Variants in DGKG observed in about 807,000 individuals in gnomAD.
The protein encoded by DGKG is diacylglycerol kinase gamma.
Under a neutral mutation model 105.3 loss-of-function variants are expected in DGKG, and 78 were observed. That is an observed-to-expected ratio of 0.74 (90% CI 0.62 to 0.89). The LOEUF (loss-of-function observed/expected upper bound fraction) is 0.89, where lower values mean the gene tolerates loss of function less well. DGKG is among the 40% of genes least tolerant of loss of function. The probability of loss-of-function intolerance (pLI) is 0.00; values close to 1 mark genes in which losing one functional copy is unlikely to be tolerated. For missense variants in DGKG, 958 were observed against 1,020.1 expected (o/e 0.94, Z 0.83); for synonymous variants, 346 against 367.1 (o/e 0.94, Z 0.66).
chr3:186,192,128 C>A (rs1182631460), intron 21 of DGKG, among the ~76,000 whole-genome samples: 2 of 152,166 alleles, frequency 1.3e-5, no homozygotes, highest in African/African-American at 4.8e-5. Context: ...CTGCCTTGGA[C>A]TCCTGAAGTA....
At chr3:186,286,737 T>C (rs4686419) in intron 6 of DGKG, among the ~76,000 whole-genome samples, 63,133 of 151,976 alleles carry the variant, frequency 0.42, 16,174 homozygotes, top group African/African-American at 0.73. Context: ...CAAGTTTCTG[T>C]AACAAAAAAT....
At chr3:186,319,266 G>A (rs375581891) in intron 2 of DGKG, among the ~76,000 whole-genome samples, 264 of 152,294 alleles carry the variant, frequency 1.7e-3, no homozygotes, top group Non-Finnish European at 3.1e-3. Flanking sequence ...AGGATGCTGG[G>A]CTGGAAGGGA....
chr3:186,327,662 C>T (rs1031839252), intron 1 of DGKG, among the ~76,000 whole-genome samples: 2 of 151,964 alleles, frequency 1.3e-5, no homozygotes, highest in African/African-American at 4.8e-5. Flanking sequence ...ATCCACCTGC[C>T]TCGGTCTCCC....
intron 22 of DGKG, among the ~76,000 whole-genome samples, chr3:186,181,481 C>T (rs185131713): frequency 1.3e-5 from 2 of 152,256 alleles, no homozygotes; most frequent in East Asian, 1.9e-4. Context: ...ACCTGTAATC[C>T]CAGCACTTTT....
At position 186,360,720 on chromosome 3, in the gene DGKG, A is replaced by G. The variant is rs548483169; in HGVS notation, c.-249+1226T>C. On this transcript the variant is annotated intron_variant, in intron 1 of 24. Coordinates refer to ENST00000265022, the MANE Select transcript of DGKG (RefSeq NM_001346.3). ...TGGCTCTGCCAGCTGTATTTTACAGACAGAGAATCCCAAGCACCAAAATAA... is the reference window on the plus strand; with the variant it reads ...TGGCTCTGCCAGCTGTATTTTACAGGCAGAGAATCCCAAGCACCAAAATAA... Among the ~76,000 whole-genome samples the G allele has an allele frequency of 9.9e-5, 15 of 152,268 alleles. No homozygotes were observed. The East Asian group carries it at 1.5e-3, about 16-fold the overall frequency.
At chr3:186,319,021 T>C (rs779602938) in intron 2 of DGKG, among the ~76,000 whole-genome samples, 13 of 152,246 alleles carry the variant, frequency 8.5e-5, no homozygotes, top group Non-Finnish European at 1.3e-4. Flanking sequence ...GGTAGGCCTC[T>C]CCTTTGTGCT....
At chr3:186,222,839 G>C (rs778678361) in intron 20 of DGKG, among the ~76,000 whole-genome samples, 2 of 151,138 alleles carry the variant, frequency 1.3e-5, no homozygotes, top group Non-Finnish European at 2.9e-5. Flanking sequence ...TTAGCCAGGC[G>C]TGGTGGCGGG....
intron 23 of DGKG, among the ~76,000 whole-genome samples, chr3:186,164,331 T>C (rs1186430325): frequency 1.3e-5 from 2 of 152,220 alleles, no homozygotes; most frequent in African/African-American, 2.4e-5. Flanking sequence ...CAGAGGATCC[T>C]CTCGATTAGA....
intron 20 of DGKG, among the ~76,000 whole-genome samples, chr3:186,238,573 T>C (rs1308642360): frequency 6.6e-6 from 1 of 152,202 alleles, no homozygotes; most frequent in Non-Finnish European, 1.5e-5. Context: ...TCAAACACTT[T>C]AGAATCTCAG....
chr3:186,178,489 G>T (rs1717200439), intron 22 of DGKG, among the ~76,000 whole-genome samples: 1 of 152,188 alleles, frequency 6.6e-6, no homozygotes, highest in African/African-American at 2.4e-5. Flanking sequence ...AAAGTGAAAG[G>T]TTCCTTGGCT....
intron 24 of DGKG, among the ~76,000 whole-genome samples, chr3:186,157,834 C>G (rs1021198385): frequency 1.6e-4 from 25 of 152,096 alleles, no homozygotes; most frequent in African/African-American, 6.0e-4. Context: ...TCCCGAGGAG[C>G]TGGAATTACA....
chr3:186,192,513 T>C (rs1193935982), intron 21 of DGKG, among the ~76,000 whole-genome samples: 3 of 152,154 alleles, frequency 2.0e-5, no homozygotes, highest in Non-Finnish European at 4.4e-5. Flanking sequence ...ATAGTATCTC[T>C]TGCGATCTTC....
At chr3:186,324,775 G>A (rs982793717) in intron 1 of DGKG, among the ~76,000 whole-genome samples, 6 of 152,214 alleles carry the variant, frequency 3.9e-5, no homozygotes, top group African/African-American at 1.4e-4. Context: ...TGGAAAGCAG[G>A]TTGGAGATTT....
chr3:186,147,243 G>A lies in DGKG; in HGVS notation c.*2847C>T. The A allele has an allele frequency of 1.0e-6, 1 of 985,940 alleles. No homozygotes were observed. The highest frequency in any genetic ancestry group is 1.2e-6 in the Non-Finnish European group (1 of 830,018). 61.1% of individuals were successfully genotyped at this position (985,940 alleles called of 1,614,324 possible). The stretch of plus-strand genomic sequence containing the variant: ...TTATTGCTGTTGGGGTAGAAGCATG[G>A]GGGGCAGGTGAGAACATGTTTGTAG... On this transcript the variant is annotated 3_prime_UTR_variant, in exon 25 of 25. Coordinates refer to ENST00000265022, the MANE Select transcript of DGKG (RefSeq NM_001346.3).
intron 19 of DGKG, among the ~76,000 whole-genome samples, chr3:186,244,167 A>T (rs1047052395): frequency 6.6e-6 from 1 of 151,694 alleles, no homozygotes; most frequent in African/African-American, 2.4e-5. Context: ...TGGGACTGTA[A>T]ATGTGAGCCA....
At chr3:186,292,273 C>A (rs1475187036) in intron 5 of DGKG, among the ~76,000 whole-genome samples, 1 of 152,114 alleles carries the variant, frequency 6.6e-6, no homozygotes, top group Non-Finnish European at 1.5e-5. Context: ...AGCACCAGAC[C>A]AGGCAGCAGA....
intron 22 of DGKG, among the ~76,000 whole-genome samples, chr3:186,172,415 T>C (rs1315643216): frequency 6.6e-6 from 1 of 152,160 alleles, no homozygotes; most frequent in African/African-American, 2.4e-5. Context: ...CCTGACTATG[T>C]ATGGAGCCAA....
intron 7 of DGKG, among the ~76,000 whole-genome samples, chr3:186,282,193 C>T (rs1722860698): frequency 6.6e-6 from 1 of 152,068 alleles, no homozygotes; most frequent in South Asian, 2.1e-4. Flanking sequence ...CTTATTTTGG[C>T]CTCCCTGTTG....
At position 186,155,443 on chromosome 3, in the gene DGKG, C is replaced by T. The variant is rs1049503129; in HGVS notation, c.2278-5255G>A. Among the ~76,000 whole-genome samples the T allele has an allele frequency of 3.3e-5, 5 of 152,172 alleles. No homozygotes were observed. The East Asian group carries it at 9.6e-4, about 29-fold the overall frequency. The stretch of plus-strand genomic sequence containing the variant: ...TCCTGACCTCGTGATCTGCCTGCCT[C>T]AGCCTCCCAAAGTGCTGGGATTACA... On this transcript the variant is annotated intron_variant, in intron 24 of 24. Transcript: ENST00000265022.
Sources: gnomAD v4.1 joint callset for allele counts (sites outside exome capture counted in the v4.1 genomes callset) on GRCh38, gnomAD v4.1.1 for gene constraint, MANE v1.5 for transcripts, NCBI Gene and HGNC (gene_info 2026-07-23, HGNC 2026-07-21) for gene names.